PAPSS1: variants seen among roughly 807,000 people sequenced by gnomAD.
PAPSS1 encodes the protein bifunctional 3'-phosphoadenosine 5'-phosphosulfate synthase 1.
A neutral mutation model predicts 72.0 loss-of-function variants in PAPSS1; 50 were observed. The ratio of observed to expected loss-of-function variants is 0.69; its 90% CI spans 0.55 to 0.88. PAPSS1 has a LOEUF of 0.88. Among genes scored for constraint, PAPSS1 ranks in the 40% least tolerant of loss-of-function variants. PAPSS1 has a pLI of 0.00. For missense variants in PAPSS1, 657 were observed against 782.2 expected (o/e 0.84, Z 1.91); for synonymous variants, 261 against 263.6 (o/e 0.99, Z 0.09).
chr4:107,634,524 T>C (rs1726308976), intron 10 of PAPSS1, among the ~76,000 whole-genome samples: 1 of 152,096 alleles, frequency 6.6e-6, no homozygotes, highest in Admixed American at 6.5e-5. Flanking sequence ...GGTGGATCAT[T>C]TTATTAAGGT....
At chr4:107,692,143 C>A (rs1337754437) in intron 3 of PAPSS1, among the ~76,000 whole-genome samples, 1 of 152,142 alleles carries the variant, frequency 6.6e-6, no homozygotes. Context: ...CAAAAGATTT[C>A]ATGACAAAAA....
intron 1 of PAPSS1, among the ~76,000 whole-genome samples, chr4:107,706,599 G>T (rs553559501): frequency 6.6e-6 from 1 of 152,210 alleles, no homozygotes; most frequent in South Asian, 2.1e-4. Context: ...TTTTCAGGCA[G>T]TTCATGTATC....
At chr4:107,706,347 C>A (rs1247567820) in intron 1 of PAPSS1, among the ~76,000 whole-genome samples, 22 of 152,138 alleles carry the variant, frequency 1.4e-4, no homozygotes, top group Admixed American at 1.4e-3. Flanking sequence ...CCTCCTCTAA[C>A]TATGGAAGAA....
intron 3 of PAPSS1, among the ~76,000 whole-genome samples, chr4:107,692,508 GA>G (rs1478605817): frequency 6.6e-6 from 1 of 152,138 alleles, no homozygotes; most frequent in East Asian, 1.9e-4. Context: ...AGCTCGTGGA[GA>G]AAAAGAAATG....
intron 6 of PAPSS1, among the ~76,000 whole-genome samples, chr4:107,658,791 G>T (rs1363039092): frequency 6.6e-6 from 1 of 152,060 alleles, no homozygotes; most frequent in East Asian, 1.9e-4. Flanking sequence ...TATCTGTTAG[G>T]GATTGAATGT....
intron 9 of PAPSS1, among the ~76,000 whole-genome samples, chr4:107,651,088 G>A (rs745972724): frequency 1.3e-5 from 2 of 152,168 alleles, no homozygotes; most frequent in Non-Finnish European, 2.9e-5. Flanking sequence ...TATACAGGCA[G>A]TACCAAGTAT....
At chr4:107,631,321 A>G (rs973422149) in intron 11 of PAPSS1, among the ~76,000 whole-genome samples, 3 of 152,238 alleles carry the variant, frequency 2.0e-5, no homozygotes, top group African/African-American at 7.2e-5. Context: ...TGGGCTTACC[A>G]GAGTAAACAT....
At chr4:107,691,422 C>T (rs1438430834) in intron 3 of PAPSS1, among the ~76,000 whole-genome samples, 1 of 152,112 alleles carries the variant, frequency 6.6e-6, no homozygotes, top group African/African-American at 2.4e-5. Flanking sequence ...GATTTCAGCC[C>T]CTTTGTTTCC....
rs538977360 is a variant in PAPSS1 at position 107,685,185 on chromosome 4, T to C, written c.550+1854A>G. ...TTTTTGTCGCCAAAGCATTGGCAAATGTGTGTTCAACATTCCACTCCCACT... is the reference window on the plus strand; with the variant it reads ...TTTTTGTCGCCAAAGCATTGGCAAACGTGTGTTCAACATTCCACTCCCACT... On this transcript the variant is annotated intron_variant, in intron 4 of 11. Coordinates refer to ENST00000265174, the MANE Select transcript of PAPSS1 (RefSeq NM_005443.5). Among the ~76,000 whole-genome samples the C allele has an allele frequency of 8.5e-5, 13 of 152,348 alleles. No individual in the cohort carries two copies. The East Asian group carries it at 1.5e-3, about 18-fold the overall frequency.
intron 6 of PAPSS1, among the ~76,000 whole-genome samples, chr4:107,657,551 G>A (rs567587444): frequency 2.6e-5 from 4 of 152,182 alleles, no homozygotes; most frequent in Admixed American, 2.0e-4. Context: ...GTGAAACCCA[G>A]TCTCTACTAA....
chr4:107,709,747 C>G (rs1213819753), intron 1 of PAPSS1, among the ~76,000 whole-genome samples: 1 of 152,216 alleles, frequency 6.6e-6, no homozygotes, highest in African/African-American at 2.4e-5. Flanking sequence ...GACTATCTTC[C>G]ACACCCCTAT....
chr4:107,674,999 C>A (rs994222949), intron 5 of PAPSS1, among the ~76,000 whole-genome samples: 5 of 152,088 alleles, frequency 3.3e-5, no homozygotes, highest in East Asian at 3.9e-4. Context: ...AACAAAGACA[C>A]AACATACCAG....
chr4:107,678,253 T>C (rs374432009), intron 5 of PAPSS1, among the ~76,000 whole-genome samples: 1 of 99,566 alleles, frequency 1.0e-5, no homozygotes, highest in Non-Finnish European at 2.4e-5. Flanking sequence ...AAATAAGAGA[T>C]GGAATTAATA....
chr4:107,706,328 C>T (rs932499184), intron 1 of PAPSS1, among the ~76,000 whole-genome samples: 1 of 152,146 alleles, frequency 6.6e-6, no homozygotes, highest in Non-Finnish European at 1.5e-5. Context: ...ACTTTTCATT[C>T]TTCTTTTTCC....
At chr4:107,719,664 C>CT (rs1303597061) in intron 1 of PAPSS1, among the ~76,000 whole-genome samples, 1 of 152,238 alleles carries the variant, frequency 6.6e-6, no homozygotes, top group Non-Finnish European at 1.5e-5. Flanking sequence ...GCCAACCGCA[C>CT]TGGCAGAGCC....
At chr4:107,633,307 T>G (rs1158837920) in intron 10 of PAPSS1, among the ~76,000 whole-genome samples, 1 of 152,174 alleles carries the variant, frequency 6.6e-6, no homozygotes, top group African/African-American at 2.4e-5. Context: ...AATTAATAAA[T>G]GAAACATGTG....
intron 4 of PAPSS1, among the ~76,000 whole-genome samples, chr4:107,682,940 TA>T (rs1434264005): frequency 6.6e-6 from 1 of 152,212 alleles, no homozygotes; most frequent in Non-Finnish European, 1.5e-5. Flanking sequence ...CAATCACATA[TA>T]ATTTTAGTAT....
intron 3 of PAPSS1, among the ~76,000 whole-genome samples, chr4:107,688,317 G>A (rs185082611): frequency 2.6e-5 from 4 of 152,236 alleles, no homozygotes; most frequent in African/African-American, 7.2e-5. Context: ...GGTGTAGCAC[G>A]CTTATAGTCC....
chr4:107,669,367 T>TA (rs1727410844), intron 5 of PAPSS1, among the ~76,000 whole-genome samples: 1 of 152,218 alleles, frequency 6.6e-6, no homozygotes, highest in Non-Finnish European at 1.5e-5. Flanking sequence ...TAGTTGTGTG[T>TA]CTATGTGTAT....
Sources: gnomAD v4.1 joint callset for allele counts (sites outside exome capture counted in the v4.1 genomes callset) on GRCh38, gnomAD v4.1.1 for gene constraint, MANE v1.5 for transcripts, NCBI Gene and HGNC (gene_info 2026-07-23, HGNC 2026-07-21) for gene names.